Variants in ADAMTSL3 observed in about 807,000 individuals in gnomAD.
ADAMTSL3 encodes the protein ADAMTS like 3.
A neutral mutation model predicts 201.7 loss-of-function variants in ADAMTSL3; 128 were observed. The observed-to-expected ratio is 0.63, with a 90% CI of 0.55 to 0.73. The LOEUF (loss-of-function observed/expected upper bound fraction) is 0.73. ADAMTSL3 is among the 30% of genes least tolerant of loss of function. ADAMTSL3 has a pLI of 0.00. For synonymous variants in ADAMTSL3, 738 were observed against 748.4 expected (o/e 0.99, Z 0.23); for missense variants, 1,990 against 2,119.6 (o/e 0.94, Z 1.20).
At chr15:83,689,170 C>T (rs1208749372) in intron 2 of ADAMTSL3, among the ~76,000 whole-genome samples, 4 of 152,184 alleles carry the variant, frequency 2.6e-5, no homozygotes, top group South Asian at 4.1e-4. Context: ...ATTCATATAA[C>T]GTGATATTTA....
intron 2 of ADAMTSL3, among the ~76,000 whole-genome samples, chr15:83,660,602 A>G (rs1276260619): frequency 2.0e-5 from 3 of 152,184 alleles, no homozygotes; most frequent in Non-Finnish European, 4.4e-5. Context: ...AGGTATAAAT[A>G]TGGAGCCAAT....
Position 83,809,841 on chromosome 15 carries a change from T to C in ADAMTSL3, c.363+5146T>C, listed in dbSNP as rs562473981. Among the ~76,000 whole-genome samples, 4 of 152,272 alleles carry C rather than the reference T, an allele frequency of 2.6e-5. No homozygotes were observed. In the South Asian group the frequency reaches 8.3e-4, roughly 32 times the overall value. On this transcript the variant is annotated intron_variant, in intron 5 of 29. Coordinates refer to ENST00000286744, the MANE Select transcript of ADAMTSL3 (RefSeq NM_207517.3). ...GCTGTAACTAATTTATTTTAAAAGA[T>C]CAATTACTGGAGCTTTGTCTGTCTT...
At chr15:83,674,760 TATATAC>T (rs1479917149) in intron 2 of ADAMTSL3, among the ~76,000 whole-genome samples, 58 of 123,200 alleles carry the variant, frequency 4.7e-4, no homozygotes, top group Non-Finnish European at 5.7e-4. Flanking sequence ...TATACACACA[TATATAC>T]ATATATATAT....
intron 2 of ADAMTSL3, among the ~76,000 whole-genome samples, chr15:83,671,613 G>A (rs770375959): frequency 3.9e-5 from 6 of 152,134 alleles, no homozygotes; most frequent in Non-Finnish European, 5.9e-5. Context: ...TGGACATTTT[G>A]TAAATTTTCA....
intron 17 of ADAMTSL3, among the ~76,000 whole-genome samples, chr15:83,928,981 C>T (rs1295229510): frequency 1.3e-5 from 2 of 152,204 alleles, no homozygotes; most frequent in African/African-American, 2.4e-5. Flanking sequence ...GTAACTGCCA[C>T]TGCCTTAATT....
intron 23 of ADAMTSL3, 30 bp from the exon 24 acceptor site, chr15:84,014,512 G>A: frequency 6.3e-7 from 1 of 1,596,132 alleles, no homozygotes; most frequent in Admixed American, 1.7e-5. Context: ...TAAAGGAATT[G>A]CCTTTGTCAT....
At chr15:83,868,549 C>A (rs1388488654) in intron 8 of ADAMTSL3, among the ~76,000 whole-genome samples, 5 of 152,132 alleles carry the variant, frequency 3.3e-5, no homozygotes, top group African/African-American at 1.2e-4. Context: ...TCCACCTTCA[C>A]CAAATCACTT....
At chr15:83,764,916 A>G (rs577430905) in intron 3 of ADAMTSL3, among the ~76,000 whole-genome samples, 1 of 152,268 alleles carries the variant, frequency 6.6e-6, no homozygotes, top group African/African-American at 2.4e-5. Context: ...ATAGGGCACA[A>G]ACAGCCTAGA....
intron 19 of ADAMTSL3, among the ~76,000 whole-genome samples, chr15:83,951,477 C>T (rs548556549): frequency 6.6e-6 from 1 of 151,914 alleles, no homozygotes; most frequent in Non-Finnish European, 1.5e-5. Flanking sequence ...TTCTTTTTCT[C>T]TTTTTGATGT....
chr15:83,943,991 G>A (rs1313670584), intron 19 of ADAMTSL3, among the ~76,000 whole-genome samples: 1 of 152,014 alleles, frequency 6.6e-6, no homozygotes, highest in African/African-American at 2.4e-5. Flanking sequence ...TAACTGAGAA[G>A]ACTACTTAAG....
At chr15:83,965,080 A>C (rs1184859432) in intron 19 of ADAMTSL3, among the ~76,000 whole-genome samples, 1 of 152,234 alleles carries the variant, frequency 6.6e-6, no homozygotes, top group Non-Finnish European at 1.5e-5. Flanking sequence ...ACCAAATTGT[A>C]AAGACTGTCA....
intron 4 of ADAMTSL3, among the ~76,000 whole-genome samples, chr15:83,792,953 G>A (rs2063365874): frequency 6.6e-6 from 1 of 152,180 alleles, no homozygotes; most frequent in Non-Finnish European, 1.5e-5. Context: ...ATCAGTGAAT[G>A]AATGGTTAAA....
intron 5 of ADAMTSL3, among the ~76,000 whole-genome samples, chr15:83,809,015 G>T (rs1010047973): frequency 6.6e-6 from 1 of 152,048 alleles, no homozygotes; most frequent in Non-Finnish European, 1.5e-5. Flanking sequence ...ATTGGGAGAG[G>T]TTAGTCAAGA....
In ADAMTSL3 at chr15:83,729,500, T is replaced by C. The variant is rs566477986; in HGVS notation, c.189+24992T>C. Among the ~76,000 whole-genome samples the C allele has an allele frequency of 2.7e-3, 410 of 151,992 alleles. 3 individuals carry two copies. The highest frequency in any genetic ancestry group is 9.6e-3 in the African/African-American group (399 of 41,518). ...TCAAATAGCCTGTCTTCAAGCTCAC[T>C]AATTCTTTCCTCTGCTTGATCATTT... On this transcript the variant is annotated intron_variant, in intron 3 of 29. Transcript: ENST00000286744.
chr15:83,866,780 G>A (rs1326521583), intron 8 of ADAMTSL3, among the ~76,000 whole-genome samples: 1 of 151,932 alleles, frequency 6.6e-6, no homozygotes, highest in Non-Finnish European at 1.5e-5. Context: ...AATAAGTAAA[G>A]GTGAACACTT....
At chr15:83,819,679 A>T in intron 5 of ADAMTSL3, 132 bp from the exon 6 acceptor site, 1 of 613,114 alleles carries the variant, frequency 1.6e-6, no homozygotes, top group Non-Finnish European at 2.8e-6. Context: ...AAAAAAAAAA[A>T]GAGGGAATTA....
chr15:83,833,961 G>A (rs1384392166), intron 6 of ADAMTSL3, among the ~76,000 whole-genome samples: 3 of 152,136 alleles, frequency 2.0e-5, no homozygotes, highest in African/African-American at 7.2e-5. Flanking sequence ...TTTAAAAATC[G>A]TCTTCCTGTT....
chr15:83,715,960 C>A (rs2062011898), intron 3 of ADAMTSL3, among the ~76,000 whole-genome samples: 1 of 152,206 alleles, frequency 6.6e-6, no homozygotes, highest in South Asian at 2.1e-4. Flanking sequence ...AAGTCCTCAG[C>A]CTAACAGCGT....
At chr15:83,889,551 T>C (rs985677418) in intron 10 of ADAMTSL3, among the ~76,000 whole-genome samples, 3 of 152,158 alleles carry the variant, frequency 2.0e-5, no homozygotes, top group African/African-American at 4.8e-5. Context: ...GACGGTTGCA[T>C]ATTTCAGGAC....
Sources: gnomAD v4.1 joint callset for allele counts (sites outside exome capture counted in the v4.1 genomes callset) on GRCh38, gnomAD v4.1.1 for gene constraint, MANE v1.5 for transcripts, NCBI Gene and HGNC (gene_info 2026-07-23, HGNC 2026-07-21) for gene names.